SOX5: variants seen among roughly 807,000 people sequenced by gnomAD.
SOX5 encodes the protein SRY-box transcription factor 5.
Under a neutral mutation model 92.0 loss-of-function variants are expected in SOX5, and 9 were observed. That is an observed-to-expected ratio of 0.10 (90% CI 0.06 to 0.17). The LOEUF (loss-of-function observed/expected upper bound fraction) is 0.17, where lower values mean the gene tolerates loss of function less well. Ranked by LOEUF, SOX5 falls within the 10% of genes least tolerant of loss-of-function variation. The pLI, the probability that SOX5 is intolerant of heterozygous loss-of-function variation, is 1.00. For synonymous variants in SOX5, 344 were observed against 336.3 expected (o/e 1.02, Z -0.25); for missense variants, 642 against 944.5 (o/e 0.68, Z 4.20).
At chr12:24,349,016 C>G (rs1336277708) in intron 2 of SOX5, among the ~76,000 whole-genome samples, 2 of 152,212 alleles carry the variant, frequency 1.3e-5, no homozygotes, top group Non-Finnish European at 2.9e-5. Flanking sequence ...TACCCAGTCT[C>G]AGGTACGCCT....
intron 3 of SOX5, chr12:24,227,151 A>G (rs1662574767): frequency 6.6e-6 from 1 of 152,126 alleles, no homozygotes; most frequent in Non-Finnish European, 1.5e-5. Context: ...TGTTGTTGTA[A>G]CCCTTACAGG....
intron 4 of SOX5, among the ~76,000 whole-genome samples, chr12:24,046,878 G>A (rs887407616): frequency 6.6e-6 from 1 of 151,366 alleles, no homozygotes; most frequent in African/African-American, 2.4e-5. Context: ...ATAGAGATAG[G>A]GTATCACCAT....
At chr12:23,913,166 T>C (rs2138483666) in intron 1 of SOX5, among the ~76,000 whole-genome samples, 1 of 152,328 alleles carries the variant, frequency 6.6e-6, no homozygotes, top group South Asian at 2.1e-4. Context: ...TATCATATTT[T>C]CATTGTTAAT....
At chr12:23,911,611 A>T (rs1467703431) in intron 1 of SOX5, among the ~76,000 whole-genome samples, 2 of 152,102 alleles carry the variant, frequency 1.3e-5, no homozygotes, top group Non-Finnish European at 2.9e-5. Context: ...TATACCTTTT[A>T]TTCCTTACAG....
intron 9 of SOX5, among the ~76,000 whole-genome samples, chr12:23,578,928 A>G (rs1178642463): frequency 6.9e-6 from 1 of 144,878 alleles, no homozygotes; most frequent in Non-Finnish European, 1.5e-5. Flanking sequence ...TGAAGAGAAG[A>G]AAAAGAAACA....
intron 1 of SOX5, among the ~76,000 whole-genome samples, chr12:23,917,293 C>CT (rs2097426893): frequency 6.6e-6 from 1 of 152,096 alleles, no homozygotes; most frequent in Non-Finnish European, 1.5e-5. Context: ...GTAATCCTAG[C>CT]ACTTTGGGAG....
At chr12:23,854,908 A>G (rs1046478089) in intron 2 of SOX5, among the ~76,000 whole-genome samples, 6 of 152,138 alleles carry the variant, frequency 3.9e-5, no homozygotes, top group Admixed American at 2.6e-4. Context: ...GGGGTATTAC[A>G]TAAGTTAATA....
chr12:23,678,413 G>A (rs1200883261), intron 6 of SOX5, among the ~76,000 whole-genome samples: 1 of 151,860 alleles, frequency 6.6e-6, no homozygotes, highest in African/African-American at 2.4e-5. Context: ...TAATACCATG[G>A]GTACCTTACT....
rs568968846 is a variant in SOX5, at chr12:23,727,156, G to A, written c.810+7528C>T. On this transcript the variant is annotated intron_variant, in intron 6 of 14. Coordinates refer to ENST00000451604, the MANE Select transcript of SOX5 (RefSeq NM_006940.6). ...TTCTGAGCAGCTCAAGTCAGGATGA[G>A]TTATAAAACCAGGATTACAACTTCT... Among the ~76,000 whole-genome samples, 6 of 152,234 alleles carry A rather than the reference G, an allele frequency of 3.9e-5. No individual in the cohort carries two copies. In the South Asian group the frequency reaches 1.0e-3, roughly 26 times the overall value.
At chr12:23,897,008 A>C (rs1313749549) in intron 1 of SOX5, among the ~76,000 whole-genome samples, 1 of 152,168 alleles carries the variant, frequency 6.6e-6, no homozygotes, top group East Asian at 1.9e-4. Context: ...TTTTCCTTTC[A>C]TTAAATTATT....
intron 2 of SOX5, among the ~76,000 whole-genome samples, chr12:23,846,736 C>T (rs1355959180): frequency 6.6e-6 from 1 of 152,176 alleles, no homozygotes; most frequent in Non-Finnish European, 1.5e-5. Context: ...ACCTCCCTCT[C>T]CTTCTTTTAA....
At chr12:23,701,465 T>C (rs1426775967) in intron 6 of SOX5, among the ~76,000 whole-genome samples, 1 of 152,016 alleles carries the variant, frequency 6.6e-6, no homozygotes, top group African/African-American at 2.4e-5. Flanking sequence ...ACCATAAACA[T>C]AATAATGGAT....
intron 1 of SOX5, among the ~76,000 whole-genome samples, chr12:24,469,277 C>T (rs753329479): frequency 1.1e-4 from 17 of 152,086 alleles, no homozygotes; most frequent in African/African-American, 1.7e-4. Context: ...GTAATGCAAG[C>T]GATGGGGAGC....
At chr12:23,629,088 C>G (rs144680405) in intron 8 of SOX5, among the ~76,000 whole-genome samples, 1 of 151,964 alleles carries the variant, frequency 6.6e-6, no homozygotes. Context: ...TGAAACAGCA[C>G]GCTTCTCTGT....
chr12:23,715,092 G>A (rs1357288419), intron 6 of SOX5, among the ~76,000 whole-genome samples: 1 of 152,054 alleles, frequency 6.6e-6, no homozygotes, highest in Admixed American at 6.6e-5. Flanking sequence ...GAGGTCAGGA[G>A]ATCAAGACCA....
At chr12:24,164,183 C>T (rs1452905714) in intron 4 of SOX5, among the ~76,000 whole-genome samples, 2 of 151,956 alleles carry the variant, frequency 1.3e-5, no homozygotes, top group African/African-American at 4.8e-5. Flanking sequence ...ATACCGTTTT[C>T]TATGACACAG....
chr12:23,625,500 C>G (rs1406491978), intron 8 of SOX5, among the ~76,000 whole-genome samples: 1 of 152,158 alleles, frequency 6.6e-6, no homozygotes, highest in African/African-American at 2.4e-5. Flanking sequence ...ATATCTTTTT[C>G]TTTGATATCC....
chr12:24,516,382 T>C (rs1274043561), intron 1 of SOX5, among the ~76,000 whole-genome samples: 3 of 152,182 alleles, frequency 2.0e-5, no homozygotes, highest in Non-Finnish European at 4.4e-5. Flanking sequence ...AGCCCTGTGT[T>C]ATCACAGTAG....
intron 1 of SOX5, among the ~76,000 whole-genome samples, chr12:23,937,775 G>A (rs1199726532): frequency 6.6e-6 from 1 of 150,894 alleles, no homozygotes; most frequent in Non-Finnish European, 1.5e-5. Flanking sequence ...AATTTTGGCT[G>A]AGGCCCTTGT....
Sources: allele counts gnomAD v4.1 joint callset (sites outside exome capture counted in the v4.1 genomes callset), GRCh38; gene constraint gnomAD v4.1.1; transcripts MANE v1.5; gene names NCBI Gene and HGNC (gene_info 2026-07-23, HGNC 2026-07-21).